HSD17B12: variants seen among roughly 807,000 people sequenced by gnomAD.
HSD17B12 encodes hydroxysteroid 17-beta dehydrogenase 12.
HSD17B12 carries 32 observed loss-of-function variants against 39.3 expected under a neutral mutation model. The ratio of observed to expected loss-of-function variants is 0.81; its 90% CI spans 0.61 to 1.09. HSD17B12 has a LOEUF of 1.09. HSD17B12 is among the 50% of genes least tolerant of loss of function. The pLI, the probability that HSD17B12 is intolerant of heterozygous loss-of-function variation, is 0.00. For synonymous variants in HSD17B12, 150 were observed against 146.7 expected (o/e 1.02, Z -0.16); for missense variants, 342 against 382.9 (o/e 0.89, Z 0.89).
At chr11:43,664,632 G>T in the HSD17B12 span, among the ~76,000 whole-genome samples, 3 of 152,156 alleles carry the variant, frequency 2.0e-5, no homozygotes, top group African/African-American at 7.2e-5. Context: ...TTATGAAGTT[G>T]CTCATTTACT....
At chr11:43,605,681 C>G in the HSD17B12 span, among the ~76,000 whole-genome samples, 1 of 152,012 alleles carries the variant, frequency 6.6e-6, no homozygotes, top group African/African-American at 2.4e-5. Flanking sequence ...AAAATATCAA[C>G]CATAACTGCC....
At chr11:43,664,495 G>C in the HSD17B12 span, among the ~76,000 whole-genome samples, 4 of 152,084 alleles carry the variant, frequency 2.6e-5, no homozygotes, top group Admixed American at 2.6e-4. Flanking sequence ...ATTTGGTGGG[G>C]GTCTGTGTTT....
intron 4 of HSD17B12, among the ~76,000 whole-genome samples, chr11:43,813,291 A>T (rs114779425): frequency 0.026 from 3,954 of 151,922 alleles, 179 homozygotes; most frequent in African/African-American, 0.089. Flanking sequence ...GATTTTTTTT[A>T]AAAAAAATGA....
chr11:43,581,258 G>A, the HSD17B12 span: 2 of 454,926 alleles, frequency 4.4e-6, no homozygotes, highest in Admixed American at 4.7e-5. This position sits in a 1 kb window ranked among gnomAD's most constrained non-coding sequence, Gnocchi z 4.9. Context: ...CCAGGGGCGC[G>A]GAGGGGCGGG....
chr11:43,772,890 C>T (rs1284109944), intron 3 of HSD17B12, among the ~76,000 whole-genome samples: 2 of 152,128 alleles, frequency 1.3e-5, no homozygotes, highest in Admixed American at 6.5e-5. Flanking sequence ...GTAGGTAGAT[C>T]GCTTGAGCCC....
At chr11:43,623,196 G>C in the HSD17B12 span, among the ~76,000 whole-genome samples, 1 of 152,090 alleles carries the variant, frequency 6.6e-6, no homozygotes, top group African/African-American at 2.4e-5. Flanking sequence ...TCTGGAGAAA[G>C]AGAAAATAAT....
At chr11:43,690,479 A>G (rs745533184) in intron 1 of HSD17B12, among the ~76,000 whole-genome samples, 8 of 139,416 alleles carry the variant, frequency 5.7e-5, no homozygotes, top group Non-Finnish European at 1.2e-4. Context: ...GGCTCAAGCA[A>G]TCCTCCTGCC....
At chr11:43,757,252 G>C (rs1391123867) in intron 3 of HSD17B12, among the ~76,000 whole-genome samples, 1 of 152,172 alleles carries the variant, frequency 6.6e-6, no homozygotes, top group Admixed American at 6.5e-5. Context: ...TGTGTACCAG[G>C]TACTGTGCTA....
chr11:43,567,369 C>T, the HSD17B12 span, among the ~76,000 whole-genome samples: 2 of 152,142 alleles, frequency 1.3e-5, no homozygotes, highest in African/African-American at 4.8e-5. Flanking sequence ...AGAGTTGAAC[C>T]TCGGCATGGG....
chr11:43,639,966 T>C, the HSD17B12 span, among the ~76,000 whole-genome samples: 1 of 152,214 alleles, frequency 6.6e-6, no homozygotes, highest in South Asian at 2.1e-4. Flanking sequence ...GTCTGGCAAA[T>C]TGCAAGTCCA....
At chr11:43,767,217 C>A (rs1273700441) in intron 3 of HSD17B12, among the ~76,000 whole-genome samples, 2 of 145,220 alleles carry the variant, frequency 1.4e-5, no homozygotes, top group South Asian at 2.2e-4. Flanking sequence ...AAAAAAAAAA[C>A]ACTTTTTTTG....
chr11:43,573,393 C>T, the HSD17B12 span, among the ~76,000 whole-genome samples: 67 of 152,276 alleles, frequency 4.4e-4, no homozygotes, highest in Non-Finnish European at 8.5e-4. Context: ...GCGGAGCTTC[C>T]AAGCCCCTCT....
intron 3 of HSD17B12, among the ~76,000 whole-genome samples, chr11:43,788,703 AAAAAAAG>A (rs1037054616): frequency 9.2e-5 from 14 of 151,628 alleles, no homozygotes; most frequent in African/African-American, 3.1e-4. Context: ...AAAAAAAAAA[AAAAAAAG>A]AAGTGTGATC....
chr11:43,716,011 C>T (rs1950119427), intron 1 of HSD17B12, among the ~76,000 whole-genome samples: 1 of 151,950 alleles, frequency 6.6e-6, no homozygotes, highest in South Asian at 2.1e-4. Context: ...CATGCAAGCA[C>T]CTTGTTTTCA....
chr11:43,680,324 G>C (rs543922250), upstream of HSD17B12, among the ~76,000 whole-genome samples: 94 of 152,164 alleles, frequency 6.2e-4, no homozygotes, highest in Admixed American at 1.6e-3. Context: ...CGCCCGCCTC[G>C]GCCTCCCAAA....
chr11:43,616,425 CA>C, the HSD17B12 span, among the ~76,000 whole-genome samples: 421 of 62,456 alleles, frequency 6.7e-3, 35 homozygotes, highest in Middle Eastern at 0.049. Context: ...AAACAAAAAA[CA>C]AAAAAAAAAC....
At chr11:43,636,185 A>G in the HSD17B12 span, among the ~76,000 whole-genome samples, 3 of 152,240 alleles carry the variant, frequency 2.0e-5, no homozygotes, top group Non-Finnish European at 4.4e-5. Flanking sequence ...GGCTCATTTT[A>G]AAGTAGCAAG....
chr11:43,751,704 T>C (rs1214932703), intron 2 of HSD17B12, among the ~76,000 whole-genome samples: 1 of 152,238 alleles, frequency 6.6e-6, no homozygotes, highest in African/African-American at 2.4e-5. Flanking sequence ...AACAAACACC[T>C]GTATACTCTT....
chr11:43,669,878 C>T, the HSD17B12 span, among the ~76,000 whole-genome samples: 1 of 152,168 alleles, frequency 6.6e-6, no homozygotes, highest in African/African-American at 2.4e-5. Context: ...AGGACTTTAA[C>T]ATATCTTTTA....
Sources: allele counts gnomAD v4.1 joint callset (sites outside exome capture counted in the v4.1 genomes callset), GRCh38; gene constraint gnomAD v4.1.1; non-coding constraint Gnocchi (gnomAD v3.1); transcripts MANE v1.5; gene names NCBI Gene and HGNC (gene_info 2026-07-23, HGNC 2026-07-21).